Variants in URB2 observed in about 807,000 individuals in gnomAD.
URB2 encodes the protein URB2 ribosome biogenesis homolog, also known as unhealthy ribosome biogenesis protein 2 homolog.
A neutral mutation model predicts 120.9 loss-of-function variants in URB2; 86 were observed. The observed-to-expected ratio is 0.71, with a 90% CI of 0.60 to 0.85. The LOEUF (loss-of-function observed/expected upper bound fraction) is 0.85. URB2 is among the 40% of genes least tolerant of loss of function. The pLI is 0.00. For missense variants in URB2, 1,765 were observed against 1,836.5 expected (o/e 0.96, Z 0.71); for synonymous variants, 755 against 758.4 (o/e 1.00, Z 0.07).
At chr1:229,645,765 G>C (rs745556541) in intron 5 of URB2, 94 bp from the exon 6 acceptor site, 2 of 1,099,142 alleles carry the variant, frequency 1.8e-6, no homozygotes. Context: ...CCACTCCAAC[G>C]CCACAGCCCC....
chr1:229,654,126 A>T, intron 8 of URB2, 123 bp from the exon 9 acceptor site: 1 of 1,405,868 alleles, frequency 7.1e-7, no homozygotes, highest in Non-Finnish European at 9.7e-7. Flanking sequence ...TAAGCCAATT[A>T]AAGAGTCTGG....
In URB2 at chr1:229,636,681, A is replaced by G. The variant is rs1571871453; in HGVS notation, c.2068A>G (p.Ser690Gly). ...QKMKRTLMQTSFRSEGAIQSL... is the reference protein window; with the variant it reads ...QKMKRTLMQTGFRSEGAIQSL... ...AATGAAAAGGACTTTAATGCAAACTAGTTTCCGGTCTGAAGGAGCCATCCA... is the reference window on the plus strand; with the variant it reads ...AATGAAAAGGACTTTAATGCAAACTGGTTTCCGGTCTGAAGGAGCCATCCA... The change falls in exon 4 of 10, where the codon AGT (serine) becomes GGT (glycine). Residue 690 changes from serine to glycine, a missense_variant. Physicochemically the swap from Ser to Gly is moderately conservative, Grantham distance 56. Transcript: ENST00000258243. 6.2e-7 allele frequency: 1 copy of G among 1,614,202 alleles called. No homozygotes were observed. The highest frequency in any genetic ancestry group is 1.1e-5 in the South Asian group (1 of 91,082).
intron 8 of URB2, among the ~76,000 whole-genome samples, chr1:229,653,746 T>C (rs1490525675): frequency 6.6e-6 from 1 of 152,214 alleles, no homozygotes. Flanking sequence ...CTGCTAATGA[T>C]AATTGAGTCC....
At chr1:229,648,344 C>G (rs2102795793) in intron 7 of URB2, among the ~76,000 whole-genome samples, 1 of 152,294 alleles carries the variant, frequency 6.6e-6, no homozygotes, top group East Asian at 1.9e-4. Context: ...AAGGCATACA[C>G]AATCTATACT....
chr1:229,656,678 T>C (rs919328192), intron 9 of URB2, among the ~76,000 whole-genome samples: 10 of 152,232 alleles, frequency 6.6e-5, no homozygotes, highest in African/African-American at 2.2e-4. Context: ...AGTTGAGTAT[T>C]GCTGGTGGGA....
In URB2 at chr1:229,659,082, G is replaced by C; in HGVS notation, c.4378-18G>C. On this transcript the variant is annotated intron_variant, in intron 9 of 9. Transcript: ENST00000258243. ...TCTGCCCCCAATTGTTCTCACAGAG[G>C]TTTGCCTTTTTCCTCAGGTGACCTT... The C allele has an allele frequency of 6.2e-7, 1 of 1,606,780 alleles. No individual in the cohort carries two copies. The highest frequency in any genetic ancestry group is 1.1e-5 in the South Asian group (1 of 90,812).
chr1:229,645,122 T>A (rs1225534703), intron 5 of URB2, among the ~76,000 whole-genome samples: 2 of 151,892 alleles, frequency 1.3e-5, no homozygotes, highest in African/African-American at 4.8e-5. Context: ...CCGTCCCTGC[T>A]AAAAATACAA....
chr1:229,652,059 G>A (rs538167088), intron 8 of URB2, among the ~76,000 whole-genome samples: 20 of 152,230 alleles, frequency 1.3e-4, no homozygotes, highest in Non-Finnish European at 2.5e-4. Flanking sequence ...GTGGACTCCT[G>A]TAATCCGAGC....
chr1:229,627,347 G>A (rs755594990), intron 1 of URB2, among the ~76,000 whole-genome samples: 29 of 152,194 alleles, frequency 1.9e-4, no homozygotes, highest in Non-Finnish European at 3.8e-4. Flanking sequence ...CTTTGTGGAA[G>A]TGATGTTTGA....
intron 9 of URB2, among the ~76,000 whole-genome samples, chr1:229,657,896 C>T (rs1168798487): frequency 1.3e-5 from 2 of 152,212 alleles, no homozygotes; most frequent in Non-Finnish European, 2.9e-5. Context: ...AATATGTCCT[C>T]ATTAGAAACT....
chr1:229,635,316 A>G lies in URB2; in HGVS notation c.703A>G (p.Ser235Gly). The change falls in exon 4 of 10, where the codon AGT becomes GGT. Residue 235 changes from serine to glycine, a missense_variant. Ser to Gly is a moderately conservative substitution (Grantham distance 56). Transcript: ENST00000258243. The stretch of plus-strand genomic sequence containing the variant: ...GCAGGTGCTGAGCCGGGACATCAGG[A>G]GTCAGATTGAGGCCATGTTCCGAGG... Reference protein sequence around the residue: ...LRQVLSRDIRSQIEAMFRGGI... With the variant: ...LRQVLSRDIRGQIEAMFRGGI... The G allele has an allele frequency of 6.2e-7, 1 of 1,614,136 alleles. No individual in the cohort carries two copies. Among genetic ancestry groups the G allele is most frequent in the South Asian group, 1.1e-5 (1 of 91,078 alleles).
At chr1:229,627,517 T>C (rs1665536980) in intron 1 of URB2, 104 bp from the exon 2 acceptor site, 2 of 1,093,088 alleles carry the variant, frequency 1.8e-6, no homozygotes, top group South Asian at 2.4e-5. Context: ...AAAGAATACA[T>C]ATTAGGTAAA....
chr1:229,636,007 A>G lies in URB2; in HGVS notation c.1394A>G (p.Gln465Arg), dbSNP rs746340236. ...TVFQTYAKLRQVPRLFEEVLG... is the reference protein window; with the variant it reads ...TVFQTYAKLRRVPRLFEEVLG... ...TTCCAGACTTATGCCAAACTCCGACAAGTGCCACGGTTGTTTGAAGAGGTT... is the reference window on the plus strand; with the variant it reads ...TTCCAGACTTATGCCAAACTCCGACGAGTGCCACGGTTGTTTGAAGAGGTT... The change falls in exon 4 of 10, where the codon CAA (glutamine) becomes CGA (arginine). Residue 465 changes from glutamine (Q) to arginine (R), a missense_variant. Transcript: ENST00000258243. The G allele has an allele frequency of 1.2e-6, 2 of 1,613,800 alleles. No individual in the cohort carries two copies. Among genetic ancestry groups the G allele is most frequent in the Non-Finnish European group, 1.7e-6 (2 of 1,179,698 alleles).
chr1:229,641,324 G>A (rs954937132), intron 4 of URB2, among the ~76,000 whole-genome samples: 36 of 152,128 alleles, frequency 2.4e-4, no homozygotes, highest in African/African-American at 8.2e-4. Flanking sequence ...AGTTGAGGCA[G>A]TCTTTAAGTC....
In URB2 at chr1:229,645,878, C is replaced by A. The variant is rs759456561; in HGVS notation, c.3815C>A (p.Thr1272Lys). 3.1e-6 allele frequency: 5 copies of A among 1,614,108 alleles called. No homozygotes were observed. The highest frequency in any genetic ancestry group is 2.2e-5 in the South Asian group (2 of 91,076). ...ADVQAVVSAV[T>K]LLRLLLNCPL... is the part of the protein sequence containing the mutation. ...CCCCAGGCTGTTGTGTCAGCTGTTA[C>A]ACTGCTGAGGCTGCTACTGAACTGC... Residue 1272 changes from threonine (T) to lysine (K), a missense_variant, in exon 6 of 10, where the codon ACA becomes AAA. Physicochemically the swap from Thr to Lys is moderately conservative, Grantham distance 78 (BLOSUM62 -1). Transcript: ENST00000258243.
Position 229,638,250 on chromosome 1 carries a change from A to C in URB2, c.3634+3A>C. ...TTCTGTGAGAAGAGTTCTTGCAGGT[A>C]AGATATTTTCTCTTGAGCTAATTCT... On this transcript the variant is annotated splice_donor_region_variant and intron_variant, in intron 4 of 9. Transcript: ENST00000258243. The C allele has an allele frequency of 6.3e-7, 1 of 1,586,530 alleles. No individual in the cohort carries two copies. The highest frequency in any genetic ancestry group is 1.1e-5 in the South Asian group (1 of 87,090).
intron 2 of URB2, among the ~76,000 whole-genome samples, chr1:229,631,422 G>A (rs551232432): frequency 3.9e-5 from 6 of 152,250 alleles, no homozygotes; most frequent in African/African-American, 1.2e-4. Context: ...TTGCATTCAC[G>A]ATTTGGTTAA....
rs774882433 is a variant in URB2 at position 229,643,535 on chromosome 1, C to A, written c.3637C>A (p.Pro1213Thr). The A allele has an allele frequency of 1.9e-6, 3 of 1,614,038 alleles. No homozygotes were observed. The highest frequency in any genetic ancestry group is 2.2e-5 in the South Asian group (2 of 91,050). The change falls in exon 5 of 10, where the codon CCT becomes ACT. Residue 1213 changes from proline (P) to threonine (T), a missense_variant and splice_region_variant. Pro to Thr is a conservative substitution (Grantham distance 38, BLOSUM62 -1). Transcript: ENST00000258243. Reference protein sequence around the residue: ...FHSVRRVLADPEIPVQVTQDI... With the variant: ...FHSVRRVLADTEIPVQVTQDI... Reference sequence around the variant, plus strand: ...ATTTTGGTTTCTTTCCCACACAGATCCTGAAATTCCTGTTCAGGTCACTCA... The same window carrying A: ...ATTTTGGTTTCTTTCCCACACAGATACTGAAATTCCTGTTCAGGTCACTCA...
rs146345968 is a variant in URB2, at chr1:229,635,949, A to T, written c.1336A>T (p.Lys446Ter). The change falls in exon 4 of 10, where the codon AAA becomes TAA. Residue 446 changes from lysine (K) to a stop codon, truncating the protein, a stop_gained. Coordinates refer to ENST00000258243, the MANE Select transcript of URB2 (RefSeq NM_014777.4). LOFTEE classifies it high-confidence loss of function. Reference protein sequence around the residue: ...IDAEVTEFRTKKAQEALIRTV... With the variant: ...IDAEVTEFRT ...TGCCGAGGTAACAGAGTTTCGAACC[A>T]AAAAAGCCCAGGAGGCGCTTATTCG... 1 of 1,614,094 alleles carries T rather than the reference A, an allele frequency of 6.2e-7. No individual in the cohort carries two copies. The highest frequency in any genetic ancestry group is 1.3e-5 in the African/African-American group (1 of 74,950).
Sources: gnomAD v4.1 joint callset for allele counts (sites outside exome capture counted in the v4.1 genomes callset) on GRCh38, gnomAD v4.1.1 for gene constraint, MANE v1.5 for transcripts, NCBI Gene and HGNC (gene_info 2026-07-23, HGNC 2026-07-21) for gene names.